The following APPL2 variants were observed in gnomAD, a reference collection of about 807,000 sequenced individuals.
APPL2 encodes the protein DCC-interacting protein 13-beta.
In APPL2, 84 loss-of-function variants were observed where a neutral mutation model predicts 92.7. The ratio of observed to expected loss-of-function variants is 0.91; its 90% CI spans 0.76 to 1.09. APPL2 has a LOEUF of 1.09. Among genes scored for constraint, APPL2 ranks in the 50% least tolerant of loss-of-function variants. The pLI is 0.00. For missense variants in APPL2, 736 were observed against 824.5 expected, an observed-to-expected ratio of 0.89 and a Z score of 1.31; for synonymous variants, 291 against 291.0, an observed-to-expected ratio of 1.00 and a Z score of 0.00.
At chr12:105,195,846 G>A (rs991793716) in intron 11 of APPL2, among the ~76,000 whole-genome samples, 8 of 152,168 alleles carry the variant, frequency 5.3e-5, no homozygotes, top group African/African-American at 1.9e-4. Flanking sequence ...CTTGAGCCCA[G>A]GAGTTCGAGA....
At chr12:105,225,084 C>T (rs2440695) in intron 2 of APPL2, among the ~76,000 whole-genome samples, 103,127 of 151,634 alleles carry the variant, frequency 0.68, 35,569 homozygotes, top group African/African-American at 0.79. Flanking sequence ...ATTAAACCTG[C>T]TTTGCTGAAG....
chr12:105,185,502 A>T (rs1294057281), intron 17 of APPL2, among the ~76,000 whole-genome samples: 2 of 151,872 alleles, frequency 1.3e-5, no homozygotes, highest in East Asian at 3.9e-4. Context: ...TAGGGGAGGG[A>T]GTTCCCCGAC....
At chr12:105,189,624 T>G (rs1295074382) in intron 16 of APPL2, 148 bp downstream of exon 16, 1 of 889,026 alleles carries the variant, frequency 1.1e-6, no homozygotes, top group South Asian at 1.6e-5. Flanking sequence ...TTGCCTCCAC[T>G]GCAGATATCT....
At chr12:105,198,358 C>T (rs1006706562) in intron 10 of APPL2, among the ~76,000 whole-genome samples, 3 of 152,142 alleles carry the variant, frequency 2.0e-5, no homozygotes, top group Admixed American at 6.5e-5. Flanking sequence ...CCCCATAGTC[C>T]TAGGAGGCTC....
Position 105,203,701 on chromosome 12 carries a change from A to G in APPL2, c.704+2T>C, listed in dbSNP as rs868349366. ...CAAGACCCGGCCGGAGTGCAGCATT[A>G]CCTTTGAACCATGTCTGCAACGGAG... On this transcript the variant is annotated splice_donor_variant, in intron 9 of 20. Transcript: ENST00000258530. LOFTEE classifies it high-confidence loss of function. 1 of 1,613,992 alleles carries G rather than the reference A, an allele frequency of 6.2e-7. No homozygotes were observed. The highest frequency in any genetic ancestry group is 8.5e-7 in the Non-Finnish European group (1 of 1,179,826).
intron 4 of APPL2, among the ~76,000 whole-genome samples, chr12:105,215,987 A>G (rs758600391): frequency 2.0e-5 from 3 of 152,136 alleles, no homozygotes; most frequent in Non-Finnish European, 4.4e-5. Context: ...AGATTGCGCC[A>G]CTGCACTCCA....
intron 2 of APPL2, among the ~76,000 whole-genome samples, chr12:105,225,796 C>G (rs950973038): frequency 6.6e-6 from 1 of 152,228 alleles, no homozygotes; most frequent in African/African-American, 2.4e-5. Context: ...TAGCCACAAT[C>G]AGCAAAACTG....
intron 1 of APPL2, chr12:105,233,098 G>C (rs1214272833): frequency 3.0e-6 from 3 of 985,434 alleles, no homozygotes; most frequent in East Asian, 1.1e-4. Context: ...TACAGGACAA[G>C]AGAATAAGCC....
At chr12:105,230,348 G>A (rs547429392) in intron 1 of APPL2, among the ~76,000 whole-genome samples, 21 of 152,148 alleles carry the variant, frequency 1.4e-4, no homozygotes, top group Non-Finnish European at 2.8e-4. Context: ...ATACTGGATG[G>A]TGTACGAACA....
chr12:105,176,778 T>G (rs1329099732), intron 19 of APPL2, 98 bp downstream of exon 19: 5 of 1,454,788 alleles, frequency 3.4e-6, no homozygotes, highest in Non-Finnish European at 4.7e-6. Flanking sequence ...ACATGCAGAA[T>G]AATCAACTAA....
Position 105,176,057 on chromosome 12 carries a change from T to C in APPL2, c.1838A>G (p.Lys613Arg). The change falls in exon 20 of 21, where the codon AAA becomes AGA. Residue 613 changes from lysine to arginine, a missense_variant. By Grantham distance (26) the Lys-to-Arg change is conservative (BLOSUM62 2). Transcript: ENST00000258530. ...TACCTTCTGAACCTCAATAATTTCT[T>C]TTCCCAAATTAATAGCATAACATAT... is the stretch of plus-strand genomic sequence containing the variant. ...EKICYAINLGKEIIEVQKDPE... is the reference protein window; with the variant it reads ...EKICYAINLGREIIEVQKDPE... 2 of 1,592,200 alleles carry C rather than the reference T, an allele frequency of 1.3e-6. No homozygotes were observed. Among genetic ancestry groups the C allele is most frequent in the Non-Finnish European group, 8.5e-7 (1 of 1,172,488 alleles).
rs541593659 is a variant in APPL2 at position 105,210,529 on chromosome 12, G to A, written c.373+701C>T. 2.4e-4 allele frequency among the ~76,000 whole-genome samples: 36 copies of A among 152,284 alleles called. No homozygotes were observed. The South Asian group carries it at 6.0e-3, about 25-fold the overall frequency. On this transcript the variant is annotated intron_variant, in intron 5 of 20. Transcript: ENST00000258530. ...GTGGAGTCCCTTTTCTAACATCAGC[G>A]AAGTTTTTTCAAGATTATTCACGCT...
At chr12:105,197,466 G>T (rs934410665) in intron 11 of APPL2, among the ~76,000 whole-genome samples, 12 of 152,184 alleles carry the variant, frequency 7.9e-5, no homozygotes, top group Non-Finnish European at 1.5e-4. Context: ...TTCTCTCTCT[G>T]AGAATCTATG....
chr12:105,232,080 C>A (rs574694903), intron 1 of APPL2, among the ~76,000 whole-genome samples: 1 of 152,222 alleles, frequency 6.6e-6, no homozygotes, highest in Non-Finnish European at 1.5e-5. Context: ...CTATGGCATG[C>A]CAGCATGGAG....
At chr12:105,233,219 G>T in intron 1 of APPL2, 1 of 985,456 alleles carries the variant, frequency 1.0e-6, no homozygotes, top group Non-Finnish European at 1.2e-6. Context: ...GGAACAAACT[G>T]TGAACCAGTC....
chr12:105,184,394 G>A (rs972373506), intron 17 of APPL2, among the ~76,000 whole-genome samples: 4 of 152,200 alleles, frequency 2.6e-5, no homozygotes, highest in African/African-American at 4.8e-5. Flanking sequence ...CATCTTTGTG[G>A]ATTTATCTAC....
At chr12:105,209,457 T>C (rs1328370247) in intron 5 of APPL2, among the ~76,000 whole-genome samples, 1 of 152,180 alleles carries the variant, frequency 6.6e-6, no homozygotes, top group Admixed American at 6.5e-5. Flanking sequence ...TTGGGGTCAC[T>C]CTGGATTAAT....
rs1887035549 is a variant in APPL2, at chr12:105,189,756, C to G, written c.1459+16G>C. 3 of 1,613,784 alleles carry G rather than the reference C, an allele frequency of 1.9e-6. No homozygotes were observed. The highest frequency in any genetic ancestry group is 2.5e-6 in the Non-Finnish European group (3 of 1,179,680). On this transcript the variant is annotated intron_variant, in intron 16 of 20. Coordinates refer to ENST00000258530, the MANE Select transcript of APPL2 (RefSeq NM_018171.5). ...TGTGCAGAGGAAAGAATAAGGACAC[C>G]AAACTAGTCACTTACCTTCTGCTTC...
At chr12:105,222,983 G>A (rs972454850) in intron 2 of APPL2, among the ~76,000 whole-genome samples, 1 of 152,250 alleles carries the variant, frequency 6.6e-6, no homozygotes, top group Non-Finnish European at 1.5e-5. Context: ...AGAGTGGAGG[G>A]TGTGCAAAAG....
Sources: allele counts gnomAD v4.1 joint callset (sites outside exome capture counted in the v4.1 genomes callset), GRCh38; gene constraint gnomAD v4.1.1; transcripts MANE v1.5; gene names NCBI Gene and HGNC (gene_info 2026-07-23, HGNC 2026-07-21).